INTS11: variants seen among roughly 807,000 people sequenced by gnomAD.
The protein encoded by INTS11 is CPSF3-like protein.
In INTS11, 77 loss-of-function variants were observed where a neutral mutation model predicts 78.6. The observed-to-expected ratio is 0.98, with a 90% CI of 0.81 to 1.18. The LOEUF is 1.18. Among genes scored for constraint, INTS11 ranks in the 50% most tolerant of loss-of-function variants. The pLI is 0.00. For synonymous variants in INTS11, 441 were observed against 326.9 expected (o/e 1.35, Z -3.77); for missense variants, 875 against 825.9 (o/e 1.06, Z -0.73).
rs1643227664 is a variant in INTS11, at chr1:1,324,598, A to G, written c.11T>C (p.Ile4Thr). Residue 4 changes from isoleucine to threonine, a missense_variant, in exon 1 of 17, where the codon ATC (isoleucine) becomes ACC (threonine). By Grantham distance (89) the Ile-to-Thr change is moderately conservative. Transcript: ENST00000435064. Reference protein sequence around the residue: MPEIRVTPLGAGQD... With the variant: MPETRVTPLGAGQD... ...CCACTCACCCAAGGGCGTGACTCTGATCTCAGGCATCGTCTCCGCCGCGCT... is the reference window on the plus strand; with the variant it reads ...CCACTCACCCAAGGGCGTGACTCTGGTCTCAGGCATCGTCTCCGCCGCGCT... The G allele has an allele frequency of 6.3e-7, 1 of 1,597,490 alleles. No individual in the cohort carries two copies. The highest frequency in any genetic ancestry group is 1.7e-5 in the Admixed American group (1 of 58,930).
At chr1:1,319,128 C>T (rs762550121) in intron 4 of INTS11, 168 bp downstream of exon 4, 1 of 796,320 alleles carries the variant, frequency 1.3e-6, no homozygotes, top group Non-Finnish European at 2.3e-6. Flanking sequence ...GGACCCGCAT[C>T]CTCGCGCTGA....
At chr1:1,319,704 G>A (rs1455108096) in intron 3 of INTS11, 180 bp from the exon 4 acceptor site, 2 of 584,122 alleles carry the variant, frequency 3.4e-6, no homozygotes, top group Admixed American at 3.2e-5. Context: ...CAGTCTCAAA[G>A]TCTAGCAAGG....
Position 1,312,921 on chromosome 1 carries a change from A to G in INTS11, c.1160T>C (p.Met387Thr), listed in dbSNP as rs763060722. Residue 387 changes from methionine (M) to threonine (T), a missense_variant, in exon 12 of 17, where the codon ATG (methionine) becomes ACG (threonine). Physicochemically the swap from Met to Thr is moderately conservative, Grantham distance 81 (BLOSUM62 -1). Coordinates refer to ENST00000435064, the MANE Select transcript of INTS11 (RefSeq NM_017871.6). The stretch of plus-strand genomic sequence containing the variant: ...GGCGTCCGCGTGTGCGCTGAATGAC[A>G]TGTACTCCACCTGCATCTTGACCTC... ...VLEVKMQVEY[M>T]SFSAHADAKG... 1.2e-5 allele frequency: 19 copies of G among 1,612,104 alleles called. No individual in the cohort carries two copies. Among genetic ancestry groups the G allele is most frequent in the African/African-American group, 6.7e-5 (5 of 74,930 alleles).
chr1:1,319,640 C>T (rs1366286908), intron 3 of INTS11, 116 bp from the exon 4 acceptor site: 4 of 679,350 alleles, frequency 5.9e-6, no homozygotes, highest in Non-Finnish European at 9.8e-6. Flanking sequence ...GGCCTCATCC[C>T]GAGTACCGAA....
chr1:1,313,645 C>G, intron 9 of INTS11, 53 bp from the exon 10 acceptor site: 1 of 1,610,788 alleles, frequency 6.2e-7, no homozygotes, highest in Non-Finnish European at 8.5e-7. Context: ...TGCCCCCACC[C>G]CCACTGCAGG....
At chr1:1,318,478 A>T (rs1642744965) in intron 4 of INTS11, 1 of 160,520 alleles carries the variant, frequency 6.2e-6, no homozygotes, top group African/African-American at 2.4e-5. Context: ...TTAGCAACAC[A>T]TACCCATCTC....
In INTS11 at chr1:1,312,213, G is replaced by GGGGGGGCCGCCCCCCCCCCCCCC; in HGVS notation, c.1607+12_1607+13insGGGGGGGGGGGGGGCGGCCCCCC. 1 of 934,620 alleles carries GGGGGGGCCGCCCCCCCCCCCCCC rather than the reference G, an allele frequency of 1.1e-6. No homozygotes were observed. Among genetic ancestry groups the GGGGGGGCCGCCCCCCCCCCCCCC allele is most frequent in the Non-Finnish European group, 1.6e-6 (1 of 636,672 alleles). The allele number at this position is 934,620 out of a possible 1,614,324, so 57.9% of individuals were successfully genotyped here. A position where few individuals can be genotyped will look rare whatever the true frequency, so the allele number is the denominator to read the frequency against. ...CCCAAGGGAGTGGGGGGGGGGCGGG[G>GGGGGGGCCGCCCCCCCCCCCCCC]CCGGGCGCCCACCTCTTGAGGTGGC... On this transcript the variant is annotated intron_variant, in intron 15 of 16. Coordinates refer to ENST00000435064, the MANE Select transcript of INTS11 (RefSeq NM_017871.6).
chr1:1,323,099 C>A, intron 1 of INTS11: 1 of 1,514,388 alleles, frequency 6.6e-7, no homozygotes, highest in Non-Finnish European at 8.9e-7. Context: ...CTGCAAAATG[C>A]CATGGGGTGT....
Position 1,312,868 on chromosome 1 carries a change from C to T in INTS11, c.1213G>A (p.Ala405Thr), listed in dbSNP as rs1179422484. 1 of 1,612,394 alleles carries T rather than the reference C, an allele frequency of 6.2e-7. No individual in the cohort carries two copies. Among genetic ancestry groups the T allele is most frequent in the South Asian group, 1.1e-5 (1 of 91,086 alleles). The change falls in exon 12 of 17, where the codon GCA becomes ACA. Residue 405 changes from alanine to threonine, a missense_variant. Coordinates refer to ENST00000435064, the MANE Select transcript of INTS11 (RefSeq NM_017871.6). ...AKGIMQLVGQ[A>T]EPESVLLVHG... ...ACCAGCAGCACGCTCTCCGGCTCTG[C>T]CTGGCCCACCAGCTGCATGATGCCC...
Position 1,314,187 on chromosome 1 carries a change from C to T in INTS11, c.767+114G>A. 1.9e-6 allele frequency: 2 copies of T among 1,042,854 alleles called. No individual in the cohort carries two copies. Among genetic ancestry groups the T allele is most frequent in the Non-Finnish European group, 2.9e-6 (2 of 685,766 alleles). The allele number at this position is 1,042,854 out of a possible 1,614,324, so 64.6% of individuals were successfully genotyped here. ...ACAGCACACGAGCGGCCCCCCAGGA[C>T]AGCAGCAAGCAGGGCCAAGATGCCA... On this transcript the variant is annotated intron_variant, in intron 8 of 16. Coordinates refer to ENST00000435064, the MANE Select transcript of INTS11 (RefSeq NM_017871.6). The surrounding 1 kb of genome is among the most constrained non-coding windows in gnomAD (Gnocchi z 4.2).
intron 1 of INTS11, 73 bp from the exon 2 acceptor site, chr1:1,321,166 A>T (rs1642923900): frequency 1.7e-6 from 2 of 1,199,946 alleles, no homozygotes; most frequent in African/African-American, 3.0e-5. Context: ...GCTCTGCAGG[A>T]CCCCAGTGCA....
chr1:1,315,175 A>G, intron 6 of INTS11: 1 of 721,626 alleles, frequency 1.4e-6, no homozygotes, highest in Non-Finnish European at 2.3e-6. Flanking sequence ...AGAGCGAGAC[A>G]GAGGCACCCA....
chr1:1,318,921 C>T (rs568298795), intron 4 of INTS11: 6 of 715,888 alleles, frequency 8.4e-6, no homozygotes, highest in Middle Eastern at 4.6e-4. Flanking sequence ...CCCATCTCCC[C>T]TCCAGCCCCT....
At position 1,313,837 on chromosome 1, in the gene INTS11, G is replaced by C. The variant is rs1191060543; in HGVS notation, c.852C>G (p.Pro284=). ...TCTTGCGGATCTTCTGGTTGGTCCA[G>C]GGGATGAACAGCTTGTAGTAGTGGT... ...KANHYYKLFI[P]WTNQKIRKTF... is the part of the protein sequence containing the mutation. Residue 284 remains proline (P), a synonymous_variant, in exon 9 of 17, where the codon CCC becomes CCG. Coordinates refer to ENST00000435064, the MANE Select transcript of INTS11 (RefSeq NM_017871.6). 1.2e-5 allele frequency: 20 copies of C among 1,613,306 alleles called. No homozygotes were observed. The highest frequency in any genetic ancestry group is 1.6e-5 in the Non-Finnish European group (19 of 1,179,920).
At position 1,312,412 on chromosome 1, in the gene INTS11, C is replaced by T. The variant is rs777344204; in HGVS notation, c.1464+28G>A. On this transcript the variant is annotated intron_variant, in intron 14 of 16. Transcript: ENST00000435064. ...TCAGTGAGCGCAGCAGCGGCCCTCCCCCCTCCAGAGACCGTCCTGGCACTC... is the reference window on the plus strand; with the variant it reads ...TCAGTGAGCGCAGCAGCGGCCCTCCTCCCTCCAGAGACCGTCCTGGCACTC... 4.5e-6 allele frequency: 7 copies of T among 1,565,680 alleles called. No homozygotes were observed. The East Asian group carries it at 7.1e-5, about 16-fold the overall frequency.
In INTS11 at chr1:1,314,229, G is replaced by T; in HGVS notation, c.767+72C>A. 7.3e-7 allele frequency: 1 copy of T among 1,372,680 alleles called. No individual in the cohort carries two copies. Among genetic ancestry groups the T allele is most frequent in the Non-Finnish European group, 1.0e-6 (1 of 984,400 alleles). The allele number at this position is 1,372,680 out of a possible 1,614,324, so 85.0% of individuals were successfully genotyped here. ...AAGATGCCACCGCTACGCTGGACAG[G>T]GCTGCCCACCAACTGGACTGTGTTC... is the stretch of plus-strand genomic sequence containing the variant. On this transcript the variant is annotated intron_variant, in intron 8 of 16. Transcript: ENST00000435064. This position sits in a 1 kb window ranked among gnomAD's most constrained non-coding sequence, Gnocchi z 4.2.
chr1:1,313,690 G>A (rs192196814), intron 9 of INTS11, 42 bp downstream of exon 9: 271 of 1,609,772 alleles, frequency 1.7e-4, no homozygotes, highest in Non-Finnish European at 2.2e-4. Flanking sequence ...ACAGGAGACC[G>A]ACGGGTGTGG....
At chr1:1,321,914 CTGCCAGCCACTCGAAG>C in intron 1 of INTS11, 1 of 1,356,698 alleles carries the variant, frequency 7.4e-7, no homozygotes, top group East Asian at 3.0e-5. Flanking sequence ...CCACCTCCCC[CTGCCAGCCACTCGAAG>C]TGTCCAAAGC....
intron 2 of INTS11, 137 bp downstream of exon 2, chr1:1,320,859 C>A: frequency 1.2e-6 from 1 of 863,188 alleles, no homozygotes; most frequent in Non-Finnish European, 1.9e-6. Context: ...CCCACCCATC[C>A]CTGCTCCCCA....
Sources: gnomAD v4.1 joint callset for allele counts on GRCh38, gnomAD v4.1.1 for gene constraint, Gnocchi (gnomAD v3.1) non-coding constraint, MANE v1.5 for transcripts, NCBI Gene and HGNC (gene_info 2026-07-23, HGNC 2026-07-21) for gene names.